The following SUN1 variants were observed in gnomAD, a reference collection of about 807,000 sequenced individuals.
The protein encoded by SUN1 is SUN domain-containing protein 1.
In SUN1, 61 loss-of-function variants were observed where a neutral mutation model predicts 103.2. The observed-to-expected ratio is 0.59, with a 90% CI of 0.48 to 0.73. The LOEUF (loss-of-function observed/expected upper bound fraction) is 0.73. Among genes scored for constraint, SUN1 ranks in the 30% least tolerant of loss-of-function variants. SUN1 has a pLI of 0.00. For missense variants in SUN1, 1,052 were observed against 1,034.6 expected (o/e 1.02, Z -0.23); for synonymous variants, 490 against 425.7 (o/e 1.15, Z -1.86).
At chr7:817,301 C>A in intron 1 of SUN1, 1 of 893,748 alleles carries the variant, frequency 1.1e-6, no homozygotes, top group Non-Finnish European at 1.8e-6. Context: ...CTCCATGCTG[C>A]CCAGGTCGGA....
chr7:842,710 G>A (rs79343619), intron 3 of SUN1: 3,151 of 190,532 alleles, frequency 0.017, 110 homozygotes, highest in African/African-American at 0.071. Flanking sequence ...GCGCCCAGCC[G>A]CTCATCTGCA....
At chr7:834,300 C>T (rs889229585) in intron 1 of SUN1, among the ~76,000 whole-genome samples, 1 of 152,062 alleles carries the variant, frequency 6.6e-6, no homozygotes, top group African/African-American at 2.4e-5. Flanking sequence ...GTGGGGGGCT[C>T]TCTGAGGTTG....
upstream of SUN1, among the ~76,000 whole-genome samples, chr7:829,800 C>G (rs1216431724): frequency 6.6e-6 from 1 of 152,042 alleles, no homozygotes; most frequent in Non-Finnish European, 1.5e-5. Flanking sequence ...ATGATCTGCC[C>G]TCCTCGGCCT....
chr7:828,603 G>A (rs1047410467), upstream of SUN1, among the ~76,000 whole-genome samples: 1 of 152,194 alleles, frequency 6.6e-6, no homozygotes, highest in Non-Finnish European at 1.5e-5. Flanking sequence ...AACCTAAGCC[G>A]TAGGTTTGAA....
chr7:831,911 A>T, upstream of SUN1: 3 of 383,740 alleles, frequency 7.8e-6, no homozygotes, highest in Non-Finnish European at 1.1e-5. Context: ...CTAGATGACA[A>T]CCTGAGAAAC....
rs1823618371 is a variant in SUN1 at position 852,922 on chromosome 7, CACG to C, written c.1026_1028del (p.Thr343del). The stretch of plus-strand genomic sequence containing the variant: ...ATGACCCCCAGGACGTGTTTAAACC[CACG>C]ACTTCTCGCCTGAAGCAGCCTCTGC... On this transcript the variant is annotated inframe_deletion, in exon 9 of 19. Coordinates refer to ENST00000401592, the MANE Select transcript of SUN1 (RefSeq NM_001130965.3). 1 of 1,613,622 alleles carries C rather than the reference CACG, an allele frequency of 6.2e-7. No individual in the cohort carries two copies. Among genetic ancestry groups the C allele is most frequent in the Admixed American group, 1.7e-5 (1 of 59,962 alleles).
intron 1 of SUN1, among the ~76,000 whole-genome samples, chr7:825,212 C>G (rs899669054): frequency 6.6e-6 from 1 of 152,170 alleles, no homozygotes. Context: ...GCGCCCGCCA[C>G]TGCGCCCGGC....
chr7:856,504 C>A, intron 12 of SUN1, 103 bp downstream of exon 12: 2 of 1,329,308 alleles, frequency 1.5e-6, no homozygotes, highest in Non-Finnish European at 1.1e-6. Flanking sequence ...CCGGCCTCCC[C>A]CGAGGGTCAC....
intron 2 of SUN1, among the ~76,000 whole-genome samples, chr7:839,549 C>T (rs2128277839): frequency 8.5e-6 from 1 of 118,220 alleles, no homozygotes; most frequent in South Asian, 2.7e-4. Context: ...CCACGCCTGG[C>T]AAATTTTCCT....
In SUN1 at chr7:820,503, G is replaced by A. The variant is rs146764603; in HGVS notation, c.-74+3830G>A. On this transcript the variant is annotated intron_variant, in intron 1 of 17. Coordinates refer to the SUN1 transcript ENST00000389574. ...ATTCATTAGGATTTTCTAGATATGA[G>A]ATCATGTCATCTGAGAATAAAGATA... is the stretch of plus-strand genomic sequence containing the variant. Among the ~76,000 whole-genome samples, 197 of 152,300 alleles carry A rather than the reference G, an allele frequency of 1.3e-3. 2 individuals are homozygous for A. The highest frequency in any genetic ancestry group is 2.0e-3 in the Non-Finnish European group (139 of 68,030).
intron 1 of SUN1, chr7:817,504 G>T (rs529017413): frequency 6.5e-7 from 1 of 1,536,078 alleles, no homozygotes; most frequent in Admixed American, 2.0e-5. Context: ...GGACAGGTGG[G>T]CGGTGCGGTC....
At chr7:864,162 T>A (rs1300721998) in intron 15 of SUN1, among the ~76,000 whole-genome samples, 1 of 152,050 alleles carries the variant, frequency 6.6e-6, no homozygotes. Context: ...AGGCATGCAA[T>A]GTGAAGTAAG....
chr7:871,298 T>C (rs1308035906), intron 17 of SUN1, among the ~76,000 whole-genome samples: 1 of 152,242 alleles, frequency 6.6e-6, no homozygotes, highest in Non-Finnish European at 1.5e-5. Flanking sequence ...CTTTTTAGTA[T>C]GTAAATAATA....
At chr7:822,117 A>G (rs963530569) in intron 1 of SUN1, among the ~76,000 whole-genome samples, 1 of 152,240 alleles carries the variant, frequency 6.6e-6, no homozygotes, top group Non-Finnish European at 1.5e-5. Context: ...TTCCACTGGG[A>G]TAAAATAAAC....
intron 15 of SUN1, among the ~76,000 whole-genome samples, chr7:863,439 C>CA (rs1454301939): frequency 6.6e-6 from 1 of 152,238 alleles, no homozygotes; most frequent in Admixed American, 6.5e-5. Flanking sequence ...GCTTTGACAA[C>CA]AACATTCTGC....
chr7:856,784 C>T lies in SUN1; in HGVS notation c.1394+383C>T, dbSNP rs562018744. 3.3e-5 allele frequency among the ~76,000 whole-genome samples: 5 copies of T among 152,336 alleles called. No homozygotes were observed. The East Asian group carries it at 7.7e-4, about 23-fold the overall frequency. Reference sequence around the variant, plus strand: ...GGGCTCTGCACCGGGCCTCCGCTGGCACCGTTGGCATCTAGGTGGGCGGGG... The same window carrying T: ...GGGCTCTGCACCGGGCCTCCGCTGGTACCGTTGGCATCTAGGTGGGCGGGG... On this transcript the variant is annotated intron_variant, in intron 12 of 18. Transcript: ENST00000401592.
chr7:826,588 G>A (rs1229695635), intron 1 of SUN1, among the ~76,000 whole-genome samples: 1 of 152,212 alleles, frequency 6.6e-6, no homozygotes, highest in South Asian at 2.1e-4. Context: ...GTGGATCAGT[G>A]ATAGACTGAC....
intron 16 of SUN1, among the ~76,000 whole-genome samples, chr7:867,606 CAGAA>C (rs1380524318): frequency 2.0e-5 from 3 of 152,212 alleles, no homozygotes; most frequent in African/African-American, 7.2e-5. Flanking sequence ...AGTTCTCTCT[CAGAA>C]GGAAGTGCAC....
intron 15 of SUN1, among the ~76,000 whole-genome samples, chr7:863,129 G>A (rs10258320): frequency 0.4 from 60,941 of 150,706 alleles, 12,679 homozygotes; most frequent in East Asian, 0.5. Flanking sequence ...GTGACAGAGC[G>A]AGACTCCATC....
Sources: gnomAD v4.1 joint callset for allele counts (sites outside exome capture counted in the v4.1 genomes callset) on GRCh38, gnomAD v4.1.1 for gene constraint, MANE v1.5 for transcripts, NCBI Gene and HGNC (gene_info 2026-07-23, HGNC 2026-07-21) for gene names.